The following CERT1 variants were observed in gnomAD, a reference collection of about 807,000 sequenced individuals.
CERT1 encodes the protein ceramide transporter 1.
A neutral mutation model predicts 87.9 loss-of-function variants in CERT1; 31 were observed. The observed-to-expected ratio is 0.35, with a 90% CI of 0.27 to 0.48. CERT1 has a LOEUF of 0.48. Ranked by LOEUF, CERT1 falls within the 20% of genes least tolerant of loss-of-function variation. CERT1 has a pLI of 0.99. For missense variants in CERT1, 487 were observed against 758.0 expected (o/e 0.64, Z 4.20); for synonymous variants, 289 against 250.9 (o/e 1.15, Z -1.44).
intron 17 of CERT1, chr5:75,370,045 TG>T (rs1167156980): frequency 6.6e-6 from 1 of 152,232 alleles, no homozygotes; most frequent in Non-Finnish European, 1.5e-5. Context: ...GCAGGTTATA[TG>T]CCAAAGTCAA....
At chr5:75,434,131 CA>C (rs1198243150) in intron 3 of CERT1, among the ~76,000 whole-genome samples, 4 of 149,644 alleles carry the variant, frequency 2.7e-5, no homozygotes, top group Non-Finnish European at 5.9e-5. Context: ...GTGAGTTTGT[CA>C]AAGATGGCTT....
chr5:75,406,460 G>T (rs769237507), intron 8 of CERT1, among the ~76,000 whole-genome samples: 1 of 152,094 alleles, frequency 6.6e-6, no homozygotes, highest in Non-Finnish European at 1.5e-5. Context: ...CATTCAGGTA[G>T]GGCCCTTAGG....
chr5:75,470,944 G>T (rs1379713977), intron 2 of CERT1, among the ~76,000 whole-genome samples: 1 of 151,856 alleles, frequency 6.6e-6, no homozygotes, highest in Non-Finnish European at 1.5e-5. Flanking sequence ...CACTAACAAT[G>T]AACTATCTGG....
At chr5:75,431,059 G>C (rs1386064159) in intron 3 of CERT1, among the ~76,000 whole-genome samples, 1 of 152,122 alleles carries the variant, frequency 6.6e-6, no homozygotes, top group Non-Finnish European at 1.5e-5. Flanking sequence ...AAGACTTACT[G>C]TTTTTCAATT....
At chr5:75,511,013 C>T (rs1767949299) in intron 1 of CERT1, 99 bp downstream of exon 1, 3 of 1,406,718 alleles carry the variant, frequency 2.1e-6, no homozygotes, top group Non-Finnish European at 2.8e-6. Context: ...CACCCCGGCA[C>T]GTTCCGCGCC....
chr5:75,417,237 CT>C (rs1234477910), intron 6 of CERT1, among the ~76,000 whole-genome samples: 3 of 152,056 alleles, frequency 2.0e-5, no homozygotes, highest in African/African-American at 4.8e-5. Flanking sequence ...CTTTCAAGTC[CT>C]TTTTTTCTAG....
intron 2 of CERT1, among the ~76,000 whole-genome samples, chr5:75,496,340 C>A (rs1767066572): frequency 6.6e-6 from 1 of 150,402 alleles, no homozygotes; most frequent in East Asian, 1.9e-4. Flanking sequence ...GACAAAAATG[C>A]CAAGCAAATG....
intron 11 of CERT1, among the ~76,000 whole-genome samples, chr5:75,393,873 G>C (rs775140778): frequency 5.9e-5 from 9 of 151,770 alleles, no homozygotes; most frequent in Non-Finnish European, 8.8e-5. Context: ...TCTGAGGCAG[G>C]AGAATCACTT....
chr5:75,433,048 C>T (rs1447255927), intron 3 of CERT1, among the ~76,000 whole-genome samples: 2 of 152,120 alleles, frequency 1.3e-5, no homozygotes, highest in Non-Finnish European at 1.5e-5. Flanking sequence ...ACCTATTCCA[C>T]TGGTCATGTG....
intron 11 of CERT1, 108 bp from the exon 12 acceptor site, chr5:75,389,795 G>A (rs1282337792): frequency 1.0e-5 from 8 of 779,914 alleles, no homozygotes; most frequent in East Asian, 2.5e-5. Context: ...CTTAGTAGCT[G>A]AGCAACCAAA....
chr5:75,499,858 G>C (rs759030906), intron 2 of CERT1, among the ~76,000 whole-genome samples: 1 of 152,120 alleles, frequency 6.6e-6, no homozygotes, highest in Non-Finnish European at 1.5e-5. Flanking sequence ...TTGTGTTACG[G>C]GTTGAACTGT....
chr5:75,420,910 C>T (rs946743540), intron 5 of CERT1, among the ~76,000 whole-genome samples: 5 of 152,178 alleles, frequency 3.3e-5, no homozygotes, highest in Admixed American at 6.5e-5. Context: ...GCAACCTCCA[C>T]CTCCCAGGCT....
chr5:75,479,613 G>A lies in CERT1; in HGVS notation c.232-20432C>T, dbSNP rs574221783. 9.9e-5 allele frequency among the ~76,000 whole-genome samples: 15 copies of A among 152,228 alleles called. No homozygotes were observed. In the South Asian group the frequency reaches 2.3e-3, roughly 23 times the overall value. On this transcript the variant is annotated intron_variant, in intron 2 of 16. Coordinates refer to ENST00000643780, the MANE Select transcript of CERT1 (RefSeq NM_001379029.1). Reference sequence around the variant, plus strand: ...CTCCATCCACGTTCCTGCAAAAGACGTGATCTCACTCTTTTTTATGTCTGC... The same window carrying A: ...CTCCATCCACGTTCCTGCAAAAGACATGATCTCACTCTTTTTTATGTCTGC...
At chr5:75,440,794 A>G (rs191471660) in intron 3 of CERT1, among the ~76,000 whole-genome samples, 2 of 152,220 alleles carry the variant, frequency 1.3e-5, no homozygotes, top group Non-Finnish European at 2.9e-5. Context: ...ATGCCCAAAT[A>G]TAACATGGTA....
Position 75,417,063 on chromosome 5 carries a change from T to C in CERT1, c.680-30A>G, listed in dbSNP as rs147293746. On this transcript the variant is annotated intron_variant, in intron 6 of 16. Coordinates refer to ENST00000643780, the MANE Select transcript of CERT1 (RefSeq NM_001379029.1). Reference sequence around the variant, plus strand: ...AAATGAAAATTATTCACTGAAAATATCTCTAATGAGGAAATAATTCATCAC... The same window carrying C: ...AAATGAAAATTATTCACTGAAAATACCTCTAATGAGGAAATAATTCATCAC... 368 of 1,453,052 alleles carry C rather than the reference T, an allele frequency of 2.5e-4. 2 individuals are homozygous for C. In the African/African-American group the frequency reaches 4.8e-3, roughly 19 times the overall value. 90.0% of individuals were successfully genotyped at this position (1,453,052 alleles called of 1,614,324 possible). A position where few individuals can be genotyped will look rare whatever the true frequency, so the allele number is the denominator to read the frequency against.
At chr5:75,506,358 AT>A (rs745354739) in intron 1 of CERT1, among the ~76,000 whole-genome samples, 1 of 152,164 alleles carries the variant, frequency 6.6e-6, no homozygotes, top group East Asian at 1.9e-4. Flanking sequence ...AAAATATAAC[AT>A]TTTCTTCTAA....
chr5:75,461,506 G>T (rs897287786), intron 2 of CERT1, among the ~76,000 whole-genome samples: 2 of 152,140 alleles, frequency 1.3e-5, no homozygotes, highest in African/African-American at 4.8e-5. Context: ...CAGATGATCA[G>T]TCTATTGCTG....
chr5:75,450,289 C>A (rs1362364953), intron 3 of CERT1, among the ~76,000 whole-genome samples: 1 of 152,112 alleles, frequency 6.6e-6, no homozygotes, highest in East Asian at 1.9e-4. Flanking sequence ...ATTATACTCT[C>A]CTTCCTTGGG....
intron 7 of CERT1, among the ~76,000 whole-genome samples, chr5:75,414,734 A>C (rs570104285): frequency 6.6e-6 from 1 of 152,282 alleles, no homozygotes; most frequent in South Asian, 2.1e-4. Flanking sequence ...TGACATTATA[A>C]ATCTACATAA....
Sources: allele counts gnomAD v4.1 joint callset (sites outside exome capture counted in the v4.1 genomes callset), GRCh38; gene constraint gnomAD v4.1.1; transcripts MANE v1.5; gene names NCBI Gene and HGNC (gene_info 2026-07-23, HGNC 2026-07-21).